The following PLEKHM1 variants were observed in gnomAD, a reference collection of about 807,000 sequenced individuals.
The protein encoded by PLEKHM1 is pleckstrin homology domain-containing family M member 1.
A neutral mutation model predicts 94.3 loss-of-function variants in PLEKHM1; 28 were observed. That is an observed-to-expected ratio of 0.30 (90% CI 0.22 to 0.41). PLEKHM1 has a LOEUF of 0.41. Ranked by LOEUF, PLEKHM1 falls within the 10% of genes least tolerant of loss-of-function variation. The pLI is 1.00. For missense variants in PLEKHM1, 907 were observed against 1,358.6 expected, an observed-to-expected ratio of 0.67 and a Z score of 5.22; for synonymous variants, 424 against 581.2, an observed-to-expected ratio of 0.73 and a Z score of 3.89.
At chr17:45,485,271 C>T (rs1398265333) in intron 1 of PLEKHM1, among the ~76,000 whole-genome samples, 1 of 152,084 alleles carries the variant, frequency 6.6e-6, no homozygotes, top group Admixed American at 6.5e-5. Flanking sequence ...AGGTCAGGCT[C>T]CATCAAGGCT....
At chr17:45,438,519 A>G (rs36114997) in intron 11 of PLEKHM1, among the ~76,000 whole-genome samples, 19,392 of 151,438 alleles carry the variant, frequency 0.13, 1,584 homozygotes, top group Middle Eastern at 0.21. Context: ...GCGACAGAGC[A>G]AGACTCCATC....
rs183944687 is a variant in PLEKHM1 at position 45,436,814 on chromosome 17, C to T, written c.*1044G>A. On this transcript the variant is annotated 3_prime_UTR_variant, in exon 12 of 12. Transcript: ENST00000430334. The stretch of plus-strand genomic sequence containing the variant: ...GCATCCACAGGGCAGTTCCCCCGCA[C>T]GCCCTGCACAGCTTAGGACCAGGTC... The T allele has an allele frequency of 2.2e-5, 10 of 454,014 alleles. No individual in the cohort carries two copies. The highest frequency in any genetic ancestry group is 9.4e-5 in the Admixed American group (4 of 42,566). The allele number at this position is 454,014 out of a possible 1,614,324, so 28.1% of individuals were successfully genotyped here.
At chr17:45,467,938 A>C (rs2051368966) in intron 5 of PLEKHM1, among the ~76,000 whole-genome samples, 1 of 152,216 alleles carries the variant, frequency 6.6e-6, no homozygotes, top group Non-Finnish European at 1.5e-5. Context: ...AAGTGACGTG[A>C]AAATGACAGG....
At chr17:45,478,716 G>A (rs2051840607) in intron 2 of PLEKHM1, among the ~76,000 whole-genome samples, 1 of 151,792 alleles carries the variant, frequency 6.6e-6, no homozygotes, top group South Asian at 2.1e-4. Context: ...TGTAATCCCA[G>A]AACTTTGGGA....
At chr17:45,446,779 T>G (rs540282113) in intron 8 of PLEKHM1, among the ~76,000 whole-genome samples, 76 of 152,334 alleles carry the variant, frequency 5.0e-4, no homozygotes, top group Non-Finnish European at 9.8e-4. Flanking sequence ...TGATAAATTG[T>G]GTAGGGGAAA....
At chr17:45,485,541 G>A (rs2052083707) in intron 1 of PLEKHM1, among the ~76,000 whole-genome samples, 1 of 152,184 alleles carries the variant, frequency 6.6e-6, no homozygotes, top group African/African-American at 2.4e-5. Context: ...TATTCACAGA[G>A]TATTCACTGG....
At chr17:45,455,245 G>T (rs1473394899) in intron 6 of PLEKHM1, among the ~76,000 whole-genome samples, 1 of 152,114 alleles carries the variant, frequency 6.6e-6, no homozygotes, top group Non-Finnish European at 1.5e-5. Flanking sequence ...GATGGTCAAT[G>T]CCCTCCTCGT....
At chr17:45,449,984 C>CCTAT (rs1249443234) in intron 8 of PLEKHM1, among the ~76,000 whole-genome samples, 2 of 150,936 alleles carry the variant, frequency 1.3e-5, no homozygotes, top group African/African-American at 4.9e-5. Context: ...TGCTCATTCA[C>CCTAT]CTACCTACCT....
rs1376168547 is a variant in PLEKHM1 at position 45,438,003 on chromosome 17, C to T, written c.3060-34G>A. 1.9e-6 allele frequency: 3 copies of T among 1,566,166 alleles called. No individual in the cohort carries two copies. In the African/African-American group the frequency reaches 4.1e-5, roughly 21 times the overall value. Reference sequence around the variant, plus strand: ...AGAGCAGTAGGCCTGCTGGTGCCGGCTGGGCTGGAGGTTGCCCTGTGGCCA... The same window carrying T: ...AGAGCAGTAGGCCTGCTGGTGCCGGTTGGGCTGGAGGTTGCCCTGTGGCCA... On this transcript the variant is annotated intron_variant, in intron 11 of 11. Transcript: ENST00000430334.
At position 45,478,049 on chromosome 17, in the gene PLEKHM1, G is replaced by A; in HGVS notation, c.147C>T (p.Thr49=). 1.2e-6 allele frequency: 2 copies of A among 1,614,220 alleles called. No homozygotes were observed. The highest frequency in any genetic ancestry group is 1.3e-5 in the African/African-American group (1 of 75,058). Residue 49 remains threonine, a synonymous_variant, in exon 3 of 12, where the codon ACC becomes ACT. Transcript: ENST00000430334. ...ATACGGCCTCCAGGGCGCTGCACAT[G>A]GTGTTGGCATCTCCGTCTTCACTAG... ...VVTSEDGDAN[T]MCSALEAVFI...
intron 1 of PLEKHM1, among the ~76,000 whole-genome samples, chr17:45,486,184 T>G (rs1468686949): frequency 5.6e-4 from 76 of 135,308 alleles, no homozygotes; most frequent in African/African-American, 2.1e-3. Flanking sequence ...GCCACTGCAC[T>G]CCAGCCTAGG....
At chr17:45,454,506 C>A (rs2050884433) in intron 6 of PLEKHM1, 6 of 618,924 alleles carry the variant, frequency 9.7e-6, no homozygotes, top group Non-Finnish European at 1.7e-5. Context: ...AATAAGAGCA[C>A]CCAAAAGATC....
intron 2 of PLEKHM1, among the ~76,000 whole-genome samples, chr17:45,478,879 CT>C (rs2051846083): frequency 6.6e-6 from 1 of 152,118 alleles, no homozygotes; most frequent in South Asian, 2.1e-4. Flanking sequence ...AGGCTCAGTC[CT>C]AGCTGCCAGT....
In PLEKHM1 at chr17:45,437,211, C is replaced by T. The variant is rs1371522556; in HGVS notation, c.*647G>A. ...GGGGAGTAAAGAGGACACAGAGGAA[C>T]CGGGGTCGCCAGGACTGGCCCTGCC... On this transcript the variant is annotated 3_prime_UTR_variant, in exon 12 of 12. Transcript: ENST00000430334. The surrounding 1 kb of genome is among the most constrained non-coding windows in gnomAD (Gnocchi z 4.0). 8.8e-6 allele frequency: 4 copies of T among 452,592 alleles called. No homozygotes were observed. The East Asian group carries it at 2.8e-4, about 32-fold the overall frequency. The allele number at this position is 452,592 out of a possible 1,614,324, so 28.0% of individuals were successfully genotyped here. A position where few individuals can be genotyped will look rare whatever the true frequency, so the allele number is the denominator to read the frequency against.
At chr17:45,463,067 C>T (rs924284020) in intron 5 of PLEKHM1, among the ~76,000 whole-genome samples, 1 of 137,292 alleles carries the variant, frequency 7.3e-6, no homozygotes. Context: ...ACCTGGGCAA[C>T]AGCACAAGAG....
At chr17:45,439,405 G>A in intron 11 of PLEKHM1, 72 bp downstream of exon 11, 1 of 1,541,544 alleles carries the variant, frequency 6.5e-7, no homozygotes, top group South Asian at 1.1e-5. Context: ...CTGCTGCCCT[G>A]CGTGCTTGGG....
chr17:45,439,382 C>A lies in PLEKHM1; in HGVS notation c.3059+95G>T, dbSNP rs2050368311. The A allele has an allele frequency of 4.3e-6, 6 of 1,400,686 alleles. No homozygotes were observed. In the East Asian group the frequency reaches 1.4e-4, roughly 32 times the overall value. 86.8% of individuals were successfully genotyped at this position (1,400,686 alleles called of 1,614,324 possible). On this transcript the variant is annotated intron_variant, in intron 11 of 11. Coordinates refer to ENST00000430334, the MANE Select transcript of PLEKHM1 (RefSeq NM_014798.3). ...AGTGGATGTTCAATAAGTTCCTGCC[C>A]ACAGAGCGAAGCCTGCTGCCCTGCG...
intron 3 of PLEKHM1, 132 bp downstream of exon 3, chr17:45,477,768 C>T: frequency 9.5e-7 from 1 of 1,052,156 alleles, no homozygotes; most frequent in South Asian, 1.4e-5. Flanking sequence ...CTTTCAACCC[C>T]TACCTCACCC....
intron 3 of PLEKHM1, among the ~76,000 whole-genome samples, chr17:45,476,406 T>C (rs1439844828): frequency 3.3e-5 from 5 of 151,456 alleles, no homozygotes; most frequent in Non-Finnish European, 7.4e-5. Flanking sequence ...AGGCATAAAG[T>C]GTAGGAAATC....
Sources: gnomAD v4.1 joint callset for allele counts (sites outside exome capture counted in the v4.1 genomes callset) on GRCh38, gnomAD v4.1.1 for gene constraint, Gnocchi (gnomAD v3.1) non-coding constraint, MANE v1.5 for transcripts, NCBI Gene and HGNC (gene_info 2026-07-23, HGNC 2026-07-21) for gene names.